TTC3: variants seen among roughly 807,000 people sequenced by gnomAD.
TTC3 encodes tetratricopeptide repeat domain 3.
Under a neutral mutation model 249.6 loss-of-function variants are expected in TTC3, and 180 were observed. That is an observed-to-expected ratio of 0.72 (90% CI 0.64 to 0.82). The LOEUF is 0.82. TTC3 is among the 40% of genes least tolerant of loss of function. TTC3 has a pLI of 0.00. For synonymous variants in TTC3, 717 were observed against 805.0 expected (o/e 0.89, Z 1.85); for missense variants, 2,061 against 2,398.4 (o/e 0.86, Z 2.94).
exon 39 of TTC3, chr21:37,188,555 C>G (rs2083577727): frequency 3.1e-6 from 5 of 1,614,026 alleles, no homozygotes; most frequent in Non-Finnish European, 4.2e-6. Flanking sequence ...CATGGAGTCA[C>G]AAGCAGAAGC....
intron 28 of TTC3, chr21:37,157,325 A>G: frequency 3.5e-6 from 2 of 572,890 alleles, no homozygotes; most frequent in Non-Finnish European, 5.5e-6. Flanking sequence ...GGAAGAGCCT[A>G]GAACTGGGGG....
At chr21:37,136,380 T>C (rs1450354057) in intron 18 of TTC3, among the ~76,000 whole-genome samples, 2 of 152,180 alleles carry the variant, frequency 1.3e-5, no homozygotes, top group East Asian at 3.9e-4. Context: ...GAAACAGTTT[T>C]TGAAGGAAAT....
At chr21:37,100,642 C>T (rs1360229470) in intron 10 of TTC3, among the ~76,000 whole-genome samples, 1 of 152,168 alleles carries the variant, frequency 6.6e-6, no homozygotes, top group Non-Finnish European at 1.5e-5. Flanking sequence ...GCGAATGTTG[C>T]GCTTGGAAAA....
At chr21:37,157,302 G>T (rs563519866) in intron 28 of TTC3, 13 of 806,096 alleles carry the variant, frequency 1.6e-5, no homozygotes, top group African/African-American at 1.4e-4. Flanking sequence ...TAGCATTCTA[G>T]GATGTTTTAA....
Position 37,195,648 on chromosome 21 carries a change from A to T in TTC3, c.5218-27A>T, listed in dbSNP as rs375779511. 4.0e-5 allele frequency: 63 copies of T among 1,566,832 alleles called. No individual in the cohort carries two copies. The East Asian group carries it at 9.9e-4, about 25-fold the overall frequency. ...CATCCTTCAAGGGAAGCCCTAAGTG[A>T]TCCATGGTGTGGTGTGTTCCTCACA... On this transcript the variant is annotated intron_variant, in intron 41 of 45. Coordinates refer to ENST00000355666, the Ensembl canonical transcript of TTC3.
At chr21:37,116,687 T>G (rs1328484171) in intron 11 of TTC3, among the ~76,000 whole-genome samples, 2 of 152,000 alleles carry the variant, frequency 1.3e-5, no homozygotes, top group Admixed American at 6.6e-5. Flanking sequence ...GGTGCATTCC[T>G]GTCTAGCTAC....
At chr21:37,108,975 A>G (rs2058544951) in intron 11 of TTC3, among the ~76,000 whole-genome samples, 8 of 152,196 alleles carry the variant, frequency 5.3e-5, no homozygotes, top group Admixed American at 5.2e-4. Flanking sequence ...TAATTCCTAA[A>G]GTAAATAAGA....
At chr21:37,142,857 T>A (rs1320489150) in intron 20 of TTC3, among the ~76,000 whole-genome samples, 1 of 152,212 alleles carries the variant, frequency 6.6e-6, no homozygotes, top group African/African-American at 2.4e-5. Context: ...ACTACAAGGC[T>A]GCAGTAACCA....
At chr21:37,085,367 A>G (rs541724896) in intron 1 of TTC3, among the ~76,000 whole-genome samples, 2 of 152,244 alleles carry the variant, frequency 1.3e-5, no homozygotes, top group Non-Finnish European at 2.9e-5. Context: ...GGTTCTAGAC[A>G]TTATAGATAA....
rs984277543 is a variant in TTC3, at chr21:37,108,554, G to C, written c.900+108G>C. On this transcript the variant is annotated intron_variant, in intron 11 of 45. Coordinates refer to ENST00000355666, the Ensembl canonical transcript of TTC3. ...TAAAAATGCTATATGAAATTACGTAGAGCTCCAGAATGTGAAAGGGGAGTC... is the reference window on the plus strand; with the variant it reads ...TAAAAATGCTATATGAAATTACGTACAGCTCCAGAATGTGAAAGGGGAGTC... 2.8e-6 allele frequency: 3 copies of C among 1,077,800 alleles called. No homozygotes were observed. The African/African-American group carries it at 4.8e-5, about 17-fold the overall frequency. 66.8% of individuals were successfully genotyped at this position (1,077,800 alleles called of 1,614,324 possible).
chr21:37,201,772 G>A, exon 46 of TTC3: 2 of 723,518 alleles, frequency 2.8e-6, no homozygotes, highest in Non-Finnish European at 4.3e-6. Context: ...TGCCAACAGT[G>A]GCTAATAAAA....
intron 10 of TTC3, among the ~76,000 whole-genome samples, chr21:37,103,310 C>T (rs368007763): frequency 6.6e-6 from 1 of 152,210 alleles, no homozygotes; most frequent in East Asian, 1.9e-4. Flanking sequence ...GACTAGAACT[C>T]TCTTTCTTAC....
At chr21:37,129,782 ATG>A (rs1429062193) in intron 16 of TTC3, among the ~76,000 whole-genome samples, 1 of 152,110 alleles carries the variant, frequency 6.6e-6, no homozygotes, top group East Asian at 1.9e-4. Context: ...TACTGCTACT[ATG>A]GTGCACGTCA....
chr21:37,124,765 G>GTT, intron 14 of TTC3, 23 bp downstream of exon 14: 1 of 1,602,414 alleles, frequency 6.2e-7, no homozygotes, highest in Admixed American at 1.7e-5. Flanking sequence ...GAAAACTACA[G>GTT]TTTTTTTCAA....
chr21:37,121,708 T>C, intron 11 of TTC3, 109 bp from the exon 12 acceptor site: 1 of 1,052,122 alleles, frequency 9.5e-7, no homozygotes, highest in African/African-American at 1.6e-5. Flanking sequence ...GGACCTAATC[T>C]AATATTTTAA....
rs1193008763 is a variant in TTC3, at chr21:37,095,460, A to G, written c.782+16A>G. 6.7e-7 allele frequency: 1 copy of G among 1,495,872 alleles called. No homozygotes were observed. Among genetic ancestry groups the G allele is most frequent in the Admixed American group, 2.1e-5 (1 of 48,086 alleles). The allele number at this position is 1,495,872 out of a possible 1,614,324, so 92.7% of individuals were successfully genotyped here. ...TTGAATATAGGTAAGAGCAAATAGAACAAAAGAGATGCTTTTTCTATGGCA... is the reference window on the plus strand; with the variant it reads ...TTGAATATAGGTAAGAGCAAATAGAGCAAAAGAGATGCTTTTTCTATGGCA... On this transcript the variant is annotated intron_variant, in intron 9 of 45. Coordinates refer to ENST00000355666, the Ensembl canonical transcript of TTC3.
chr21:37,152,081 A>G (rs1339548470), intron 26 of TTC3, 52 bp downstream of exon 26: 9 of 1,467,478 alleles, frequency 6.1e-6, no homozygotes, highest in Non-Finnish European at 8.1e-6. Flanking sequence ...ATTTAAATGT[A>G]TAAATGTAAG....
chr21:37,115,733 C>T (rs753525627), intron 11 of TTC3, among the ~76,000 whole-genome samples: 1 of 152,194 alleles, frequency 6.6e-6, no homozygotes, highest in African/African-American at 2.4e-5. Context: ...GTCCCTGGTT[C>T]ACTTTATCTT....
chr21:37,115,024 G>C (rs557602393), intron 11 of TTC3, among the ~76,000 whole-genome samples: 1 of 152,114 alleles, frequency 6.6e-6, no homozygotes, highest in South Asian at 2.1e-4. Context: ...ACACACCGGG[G>C]CCTGTTGTGA....
Sources: gnomAD v4.1 joint callset for allele counts (sites outside exome capture counted in the v4.1 genomes callset) on GRCh38, gnomAD v4.1.1 for gene constraint, MANE v1.5 for transcripts, NCBI Gene and HGNC (gene_info 2026-07-23, HGNC 2026-07-21) for gene names.